Variants in EPN2 observed in about 807,000 individuals in gnomAD.
The protein encoded by EPN2 is epsin-2.
In EPN2, 34 loss-of-function variants were observed where a neutral mutation model predicts 61.7. The observed-to-expected ratio is 0.55, with a 90% CI of 0.42 to 0.73. The LOEUF is 0.73. Among genes scored for constraint, EPN2 ranks in the 30% least tolerant of loss-of-function variants. The pLI, the probability that EPN2 is intolerant of heterozygous loss-of-function variation, is 0.00. For synonymous variants in EPN2, 349 were observed against 353.6 expected (o/e 0.99, Z 0.15); for missense variants, 714 against 839.2 (o/e 0.85, Z 1.84).
At chr17:19,319,426 G>A (rs1906545292) in intron 7 of EPN2, among the ~76,000 whole-genome samples, 2 of 151,582 alleles carry the variant, frequency 1.3e-5, no homozygotes, top group Non-Finnish European at 2.9e-5. Flanking sequence ...CCAGGTTCAA[G>A]CAATTCTCCT....
intron 1 of EPN2, among the ~76,000 whole-genome samples, chr17:19,243,985 G>A (rs1295013707): frequency 6.6e-6 from 1 of 152,186 alleles, no homozygotes; most frequent in Non-Finnish European, 1.5e-5. Context: ...ACTCAAAAAT[G>A]ACACTGAAAT....
At chr17:19,265,897 C>T (rs865780510) in intron 1 of EPN2, among the ~76,000 whole-genome samples, 1 of 152,212 alleles carries the variant, frequency 6.6e-6, no homozygotes, top group Non-Finnish European at 1.5e-5. Context: ...GGCTATTCCA[C>T]CCCTTCTACC....
chr17:19,261,961 G>A (rs1311273744), intron 1 of EPN2, among the ~76,000 whole-genome samples: 1 of 152,238 alleles, frequency 6.6e-6, no homozygotes, highest in African/African-American at 2.4e-5. Context: ...GCCAAGGTGG[G>A]TGTATCACTT....
intron 1 of EPN2, among the ~76,000 whole-genome samples, chr17:19,259,230 G>A (rs1320864781): frequency 6.6e-6 from 1 of 152,050 alleles, no homozygotes; most frequent in African/African-American, 2.4e-5. Context: ...TTGGTGATAG[G>A]GAAACATGGT....
chr17:19,299,309 T>A (rs1203978350), intron 4 of EPN2, among the ~76,000 whole-genome samples: 1 of 152,246 alleles, frequency 6.6e-6, no homozygotes, highest in Non-Finnish European at 1.5e-5. Context: ...TAAATGATTA[T>A]CTTTGTTGAA....
At chr17:19,315,500 C>CT (rs907926608) in intron 7 of EPN2, among the ~76,000 whole-genome samples, 14 of 150,846 alleles carry the variant, frequency 9.3e-5, no homozygotes, top group African/African-American at 3.4e-4. Flanking sequence ...TTTTTTTTTT[C>CT]TTTTTTTTGA....
chr17:19,328,749 C>T lies in EPN2; in HGVS notation c.1186C>T (p.Pro396Ser). The T allele has an allele frequency of 6.2e-7, 1 of 1,612,864 alleles. No homozygotes were observed. Among genetic ancestry groups the T allele is most frequent in the Non-Finnish European group, 8.5e-7 (1 of 1,179,272 alleles). The part of the protein sequence containing the change: ...PAASIDPWGV[P>S]TGATVQSVPK... ...TGCCTCCATTGACCCATGGGGGGTG[C>T]CCACTGGAGCCACCGTACAATCTGT... The change falls in exon 8 of 11, where the codon CCC (proline) becomes TCC (serine). Residue 396 changes from proline (P) to serine (S), a missense_variant. Around this residue, in one of 2 missense-constraint regions of EPN2, gnomAD observed 410 missense variants for 421.8 expected, o/e 0.97. Coordinates refer to ENST00000314728, the MANE Select transcript of EPN2 (RefSeq NM_014964.5).
chr17:19,278,415 C>T (rs2152215414), intron 1 of EPN2, among the ~76,000 whole-genome samples: 1 of 152,298 alleles, frequency 6.6e-6, no homozygotes, highest in Non-Finnish European at 1.5e-5. Flanking sequence ...AAAGGCACTT[C>T]TTACATGGCA....
At chr17:19,312,168 A>T (rs761333341) in intron 6 of EPN2, 24 bp downstream of exon 6, 132 of 1,550,560 alleles carry the variant, frequency 8.5e-5, no homozygotes, top group Non-Finnish European at 1.1e-4. Context: ...GGGAGGGTAG[A>T]TGTTTCACCC....
chr17:19,308,729 G>A, intron 4 of EPN2: 3 of 950,474 alleles, frequency 3.2e-6, no homozygotes, highest in Non-Finnish European at 3.8e-6. Flanking sequence ...GAGTTTTAGA[G>A]AAGCTATGGA....
intron 4 of EPN2, 72 bp from the exon 5 acceptor site, chr17:19,309,813 C>A: frequency 8.2e-7 from 1 of 1,222,674 alleles, no homozygotes; most frequent in Non-Finnish European, 1.2e-6. Flanking sequence ...ATGTGGTCTG[C>A]CCAGGAAACT....
chr17:19,295,363 C>T (rs1239496679), intron 4 of EPN2, among the ~76,000 whole-genome samples: 1 of 78,176 alleles, frequency 1.3e-5, no homozygotes, highest in Non-Finnish European at 3.2e-5. Context: ...CACACACACA[C>T]ACACGCGCGT....
intron 4 of EPN2, among the ~76,000 whole-genome samples, chr17:19,295,191 C>T (rs2045502928): frequency 6.6e-6 from 1 of 152,134 alleles, no homozygotes; most frequent in Non-Finnish European, 1.5e-5. Context: ...TCCCTAGTGT[C>T]TTTAGCACAA....
In EPN2 at chr17:19,282,896, C is replaced by T. The variant is rs571153288; in HGVS notation, c.-170-54C>T. The T allele has an allele frequency of 1.8e-5, 9 of 504,718 alleles. No homozygotes were observed. The East Asian group carries it at 3.0e-4, about 17-fold the overall frequency. 31.3% of individuals were successfully genotyped at this position (504,718 alleles called of 1,614,324 possible). A position where few individuals can be genotyped will look rare whatever the true frequency, so the allele number is the denominator to read the frequency against. On this transcript the variant is annotated intron_variant, in intron 2 of 10. Transcript: ENST00000314728. ...AGTACCTGCTGCTGGACCACAGTCT[C>T]CCACCCTCACAGGGGGCTTACGTCG...
intron 4 of EPN2, among the ~76,000 whole-genome samples, chr17:19,301,065 C>T (rs1905485031): frequency 6.6e-6 from 1 of 152,110 alleles, no homozygotes; most frequent in Non-Finnish European, 1.5e-5. Flanking sequence ...AGCGGGCAAG[C>T]AAAGGCTCGA....
intron 1 of EPN2, among the ~76,000 whole-genome samples, chr17:19,267,190 C>G (rs1460431047): frequency 6.6e-6 from 1 of 151,678 alleles, no homozygotes; most frequent in Admixed American, 6.6e-5. Context: ...ATAGGGAAAT[C>G]CATAGGGAGT....
intron 4 of EPN2, among the ~76,000 whole-genome samples, chr17:19,289,379 TG>T (rs1341088879): frequency 1.3e-5 from 2 of 151,974 alleles, no homozygotes; most frequent in Non-Finnish European, 2.9e-5. Flanking sequence ...CCACCGCACC[TG>T]GACGATTCTG....
intron 7 of EPN2, among the ~76,000 whole-genome samples, chr17:19,319,450 C>T (rs1016978156): frequency 6.6e-6 from 1 of 150,976 alleles, no homozygotes; most frequent in African/African-American, 2.4e-5. Context: ...TCAGCCTCAG[C>T]CTCCCAAGTA....
intron 1 of EPN2, among the ~76,000 whole-genome samples, chr17:19,263,057 G>C (rs1442783362): frequency 1.3e-5 from 2 of 152,228 alleles, no homozygotes; most frequent in Admixed American, 1.3e-4. Flanking sequence ...ATGAGTCCCT[G>C]TGTAGACATG....
Sources: allele counts gnomAD v4.1 joint callset (sites outside exome capture counted in the v4.1 genomes callset), GRCh38; gene constraint gnomAD v4.1.1; regional missense constraint gnomAD v4.1.1; transcripts MANE v1.5; gene names NCBI Gene and HGNC (gene_info 2026-07-23, HGNC 2026-07-21).